Variants in NUP160 observed in about 807,000 individuals in gnomAD.
NUP160 encodes nuclear pore complex protein Nup160.
In NUP160, 94 loss-of-function variants were observed where a neutral mutation model predicts 196.9. That is an observed-to-expected ratio of 0.48 (90% CI 0.40 to 0.57). The LOEUF is 0.57. NUP160 is among the 20% of genes least tolerant of loss of function. The probability of loss-of-function intolerance (pLI) is 0.00; values close to 1 mark genes in which losing one functional copy is unlikely to be tolerated. For missense variants in NUP160, 1,638 were observed against 1,748.3 expected (o/e 0.94, Z 1.13); for synonymous variants, 605 against 619.7 (o/e 0.98, Z 0.35).
chr11:47,837,132 G>T, intron 5 of NUP160, 131 bp from the exon 6 acceptor site: 4 of 531,624 alleles, frequency 7.5e-6, no homozygotes, highest in Non-Finnish European at 1.3e-5. Flanking sequence ...TTATATGCTG[G>T]TATAAGACAA....
At chr11:47,789,156 C>A (rs2097666474) in intron 29 of NUP160, among the ~76,000 whole-genome samples, 1 of 152,266 alleles carries the variant, frequency 6.6e-6, no homozygotes, top group South Asian at 2.1e-4. Context: ...GGATTACAGG[C>A]ATCAGCCACT....
At chr11:47,835,931 C>T (rs1599345720) in intron 6 of NUP160, 122 bp from the exon 7 acceptor site, 2 of 804,196 alleles carry the variant, frequency 2.5e-6, no homozygotes, top group South Asian at 5.3e-5. Flanking sequence ...TGCTAAAAGA[C>T]CTTACAGGTT....
At chr11:47,803,633 T>G in intron 21 of NUP160, 97 bp from the exon 22 acceptor site, 1 of 730,116 alleles carries the variant, frequency 1.4e-6, no homozygotes. Context: ...GAAAAGACAG[T>G]GTTTGAACAA....
chr11:47,834,816 C>T (rs538450098), intron 7 of NUP160, among the ~76,000 whole-genome samples: 3 of 152,186 alleles, frequency 2.0e-5, no homozygotes, highest in East Asian at 3.9e-4. Flanking sequence ...TGCCTGACTT[C>T]GGGGGGAGGA....
chr11:47,794,453 C>T lies in NUP160; in HGVS notation c.3290-1507G>A, dbSNP rs537759723. 7.8e-4 allele frequency among the ~76,000 whole-genome samples: 119 copies of T among 152,142 alleles called. 3 individuals carry two copies. In the South Asian group the frequency reaches 0.023, roughly 30 times the overall value. ...TTGCGCCACTGCACTCCAGCCTGGG[C>T]GACAGAGCGAGACTCCGTCTCAAAA... On this transcript the variant is annotated intron_variant, in intron 27 of 35. Transcript: ENST00000378460.
chr11:47,845,148 A>G (rs1852375929), intron 2 of NUP160, among the ~76,000 whole-genome samples: 1 of 151,168 alleles, frequency 6.6e-6, no homozygotes, highest in Non-Finnish European at 1.5e-5. Context: ...TTTTATTTAC[A>G]TTTTTTTTTG....
Position 47,808,464 on chromosome 11 carries a change from T to C in NUP160, c.2307A>G (p.Leu769=), listed in dbSNP as rs564280987. 2.7e-5 allele frequency: 43 copies of C among 1,613,486 alleles called. No homozygotes were observed. In the African/African-American group the frequency reaches 3.9e-4, roughly 15 times the overall value. ...ATTTAATGAGGTAATAAGATAAGAG[T>C]AGGGGAGCTGTTCGATGTAGTAGGT... The change falls in exon 18 of 36, where the codon CTA becomes CTG. Residue 769 remains leucine, a synonymous_variant. Coordinates refer to ENST00000378460, the Ensembl canonical transcript of NUP160.
intron 33 of NUP160, 63 bp downstream of exon 33, chr11:47,784,859 C>A: frequency 7.9e-7 from 1 of 1,267,822 alleles, no homozygotes; most frequent in Non-Finnish European, 1.1e-6. Context: ...TTAATCATCT[C>A]ATGAAGTTAT....
intron 2 of NUP160, among the ~76,000 whole-genome samples, chr11:47,846,930 C>A (rs1180289551): frequency 2.0e-5 from 3 of 152,108 alleles, no homozygotes; most frequent in African/African-American, 4.8e-5. Context: ...TTTTGGAATC[C>A]CTAGTGTTAA....
intron 17 of NUP160, among the ~76,000 whole-genome samples, chr11:47,810,533 C>G (rs1220291193): frequency 6.6e-6 from 1 of 151,270 alleles, no homozygotes; most frequent in African/African-American, 2.4e-5. Flanking sequence ...AGCGATGTAT[C>G]TGGGTTTATA....
Position 47,788,674 on chromosome 11 carries a change from G to A in NUP160, c.3512-63C>T, listed in dbSNP as rs13377558. On this transcript the variant is annotated intron_variant, in intron 29 of 35. Coordinates refer to ENST00000378460, the Ensembl canonical transcript of NUP160. Reference sequence around the variant, plus strand: ...ACAAAGAAGTATCCATCAGATTAACGCAACCTGTCAATTTCCACTGAACAT... The same window carrying A: ...ACAAAGAAGTATCCATCAGATTAACACAACCTGTCAATTTCCACTGAACAT... 1.8e-3 allele frequency: 1,839 copies of A among 1,000,902 alleles called. 25 individuals carry two copies. The African/African-American group carries it at 0.025, about 14-fold the overall frequency. The allele number at this position is 1,000,902 out of a possible 1,614,324, so 62.0% of individuals were successfully genotyped here. A position where few individuals can be genotyped will look rare whatever the true frequency, so the allele number is the denominator to read the frequency against.
intron 17 of NUP160, among the ~76,000 whole-genome samples, chr11:47,811,436 A>C (rs551641130): frequency 4.4e-4 from 67 of 151,586 alleles, no homozygotes; most frequent in African/African-American, 1.6e-3. Flanking sequence ...TTGAGCTGAG[A>C]TAAGGCCACC....
At chr11:47,816,261 C>T (rs926967707) in intron 11 of NUP160, among the ~76,000 whole-genome samples, 11 of 152,116 alleles carry the variant, frequency 7.2e-5, no homozygotes, top group African/African-American at 2.7e-4. Context: ...GAGAGGCTTC[C>T]TTTTCAATGA....
chr11:47,824,048 T>TATATAC (rs747526164), intron 7 of NUP160, among the ~76,000 whole-genome samples: 2 of 101,220 alleles, frequency 2.0e-5, no homozygotes, highest in African/African-American at 7.9e-5. Context: ...TATATATATA[T>TATATAC]ATATACACAC....
At chr11:47,824,266 T>C (rs1352428072) in intron 7 of NUP160, among the ~76,000 whole-genome samples, 2 of 151,880 alleles carry the variant, frequency 1.3e-5, no homozygotes, top group East Asian at 1.9e-4. Flanking sequence ...CATTCAATTG[T>C]AGATATCCTA....
exon 4 of NUP160, chr11:47,839,847 T>C (rs1565210140): frequency 6.2e-7 from 1 of 1,610,986 alleles, no homozygotes; most frequent in South Asian, 1.1e-5. Context: ...TCTTACCAGG[T>C]ATGTCATAAG....
intron 4 of NUP160, among the ~76,000 whole-genome samples, chr11:47,838,957 T>C (rs1852239261): frequency 6.7e-6 from 1 of 149,860 alleles, no homozygotes; most frequent in South Asian, 2.1e-4. Context: ...TGAGCTGAGA[T>C]CATGCCACTG....
chr11:47,830,728 G>A (rs1852057534), intron 7 of NUP160, among the ~76,000 whole-genome samples: 1 of 152,186 alleles, frequency 6.6e-6, no homozygotes, highest in African/African-American at 2.4e-5. Context: ...TGGGAGGAGG[G>A]AGTGGAGCAG....
At chr11:47,801,025 A>G (rs1457933795) in intron 23 of NUP160, among the ~76,000 whole-genome samples, 1 of 152,184 alleles carries the variant, frequency 6.6e-6, no homozygotes, top group African/African-American at 2.4e-5. Context: ...AGAATAGAGC[A>G]TGCGCTTGAC....
Sources: allele counts gnomAD v4.1 joint callset (sites outside exome capture counted in the v4.1 genomes callset), GRCh38; gene constraint gnomAD v4.1.1; transcripts MANE v1.5; gene names NCBI Gene and HGNC (gene_info 2026-07-23, HGNC 2026-07-21).